PPP3CA: variants seen among roughly 807,000 people sequenced by gnomAD.
The protein encoded by PPP3CA is protein phosphatase 3 catalytic subunit alpha, also known as CAM-PRP catalytic subunit.
PPP3CA carries 14 observed loss-of-function variants against 66.5 expected under a neutral mutation model. That is an observed-to-expected ratio of 0.21 (90% CI 0.14 to 0.33). The LOEUF is 0.33. Ranked by LOEUF, PPP3CA falls within the 10% of genes least tolerant of loss-of-function variation. The pLI, the probability that PPP3CA is intolerant of heterozygous loss-of-function variation, is 1.00. For synonymous variants in PPP3CA, 232 were observed against 226.2 expected, an observed-to-expected ratio of 1.03 and a Z score of -0.23; for missense variants, 317 against 639.5, an observed-to-expected ratio of 0.50 and a Z score of 5.44.
intron 2 of PPP3CA, among the ~76,000 whole-genome samples, chr4:101,156,553 G>A (rs1006472229): frequency 6.6e-6 from 1 of 152,130 alleles, no homozygotes; most frequent in South Asian, 2.1e-4. Context: ...GGTGACACAT[G>A]CTTGTAATCC....
intron 2 of PPP3CA, among the ~76,000 whole-genome samples, chr4:101,109,764 C>CA (rs1232062668): frequency 2.0e-5 from 3 of 149,370 alleles, no homozygotes; most frequent in Non-Finnish European, 3.0e-5. Context: ...ACACATAATA[C>CA]AAAAAAAATT....
chr4:101,054,271 C>T (rs933226532), intron 10 of PPP3CA, among the ~76,000 whole-genome samples: 2 of 152,056 alleles, frequency 1.3e-5, no homozygotes, highest in Admixed American at 1.3e-4. Flanking sequence ...AAGCTCCAAG[C>T]TAATGGCTCT....
intron 10 of PPP3CA, among the ~76,000 whole-genome samples, chr4:101,046,531 ATTT>A (rs1395616350): frequency 1.3e-5 from 2 of 151,958 alleles, no homozygotes; most frequent in African/African-American, 2.4e-5. Flanking sequence ...TTATACTAAA[ATTT>A]TTTGTGTGTT....
chr4:101,230,513 C>T (rs1233200271), intron 1 of PPP3CA, among the ~76,000 whole-genome samples: 2 of 151,330 alleles, frequency 1.3e-5, no homozygotes, highest in African/African-American at 4.9e-5. Context: ...AGAGAGAGAC[C>T]CGTTTCAAAT....
At chr4:101,217,458 C>T (rs759439422) in intron 1 of PPP3CA, among the ~76,000 whole-genome samples, 17 of 152,058 alleles carry the variant, frequency 1.1e-4, no homozygotes, top group Non-Finnish European at 2.4e-4. Flanking sequence ...ACTATGAAAT[C>T]TAATTCTGTT....
chr4:101,341,628 C>T (rs751637107), intron 1 of PPP3CA, among the ~76,000 whole-genome samples: 5 of 152,130 alleles, frequency 3.3e-5, no homozygotes, highest in South Asian at 2.1e-4. Flanking sequence ...GATTATCCTT[C>T]GGTCCTCACA....
At chr4:101,042,734 T>C (rs966705441) in intron 10 of PPP3CA, among the ~76,000 whole-genome samples, 2 of 151,946 alleles carry the variant, frequency 1.3e-5, no homozygotes, top group African/African-American at 2.4e-5. Context: ...CTGGAGACCA[T>C]CTAAAATTGA....
chr4:101,102,059 C>T (rs560600696), intron 3 of PPP3CA, among the ~76,000 whole-genome samples: 10 of 152,146 alleles, frequency 6.6e-5, no homozygotes, highest in African/African-American at 1.7e-4. Context: ...AACCTCAAAG[C>T]GGGATATATA....
chr4:101,092,809 G>A (rs1730016009), intron 6 of PPP3CA, among the ~76,000 whole-genome samples: 1 of 152,100 alleles, frequency 6.6e-6, no homozygotes, highest in African/African-American at 2.4e-5. Context: ...TGGCTGCATA[G>A]TATTCCATGG....
intron 10 of PPP3CA, among the ~76,000 whole-genome samples, chr4:101,057,994 T>A (rs1728299208): frequency 6.6e-6 from 1 of 152,170 alleles, no homozygotes; most frequent in Admixed American, 6.6e-5. Context: ...TAAGATTAGA[T>A]GATTGTTTCT....
chr4:101,244,276 A>G (rs1270178375), intron 1 of PPP3CA, among the ~76,000 whole-genome samples: 2 of 152,134 alleles, frequency 1.3e-5, no homozygotes, highest in African/African-American at 4.8e-5. Context: ...TTCTCTACCA[A>G]TGCCTACTCT....
chr4:101,277,713 T>A (rs958140460), intron 1 of PPP3CA, among the ~76,000 whole-genome samples: 12 of 152,214 alleles, frequency 7.9e-5, no homozygotes, highest in Non-Finnish European at 1.3e-4. Context: ...CATTTTCCAG[T>A]GACAAACCTA....
rs1321142529 is a variant in PPP3CA at position 101,025,155 on chromosome 4, T to C, written c.*710A>G. 6.6e-6 allele frequency: 1 copy of C among 152,426 alleles called. No homozygotes were observed. Among genetic ancestry groups the C allele is most frequent in the Non-Finnish European group, 1.5e-5 (1 of 68,002 alleles). 9.4% of individuals were successfully genotyped at this position (152,426 alleles called of 1,614,324 possible). ...TTTTTAAAACTTAAAAGATATTCCA[T>C]TGCCGAATTAAGAAGAAGATAAGTG... On this transcript the variant is annotated 3_prime_UTR_variant, in exon 14 of 14. Coordinates refer to ENST00000394854, the MANE Select transcript of PPP3CA (RefSeq NM_000944.5).
intron 1 of PPP3CA, among the ~76,000 whole-genome samples, chr4:101,337,850 C>T (rs1375869472): frequency 6.6e-6 from 1 of 152,168 alleles, no homozygotes; most frequent in Non-Finnish European, 1.5e-5. Flanking sequence ...GAGTCCAGTA[C>T]TGAGCTTTTC....
Position 101,346,902 on chromosome 4 carries a change from C to CGCCGCT in PPP3CA, c.-107_-106insAGCGGC, listed in dbSNP as rs1205485724. 3 of 1,372,106 alleles carry CGCCGCT rather than the reference C, an allele frequency of 2.2e-6. No individual in the cohort carries two copies. The Admixed American group carries it at 6.1e-5, about 28-fold the overall frequency. 85.0% of individuals were successfully genotyped at this position (1,372,106 alleles called of 1,614,324 possible). On this transcript the variant is annotated 5_prime_UTR_variant, in exon 1 of 14. Coordinates refer to ENST00000394854, the MANE Select transcript of PPP3CA (RefSeq NM_000944.5). ...ACGCCGCCGCCGCCGCCGCCGCCGC[C>CGCCGCT]GCGCTGCAAACCGCTCGGCTGGAGG...
At chr4:101,099,090 A>C (rs1286851373) in intron 4 of PPP3CA, among the ~76,000 whole-genome samples, 1 of 152,182 alleles carries the variant, frequency 6.6e-6, no homozygotes, top group African/African-American at 2.4e-5. Context: ...CAAAAATGTA[A>C]GGTTTTATAC....
intron 1 of PPP3CA, among the ~76,000 whole-genome samples, chr4:101,220,144 A>G (rs1176759795): frequency 6.6e-6 from 1 of 151,824 alleles, no homozygotes; most frequent in Non-Finnish European, 1.5e-5. Context: ...AATACATACG[A>G]ATATTTTCAT....
chr4:101,310,205 G>C (rs1341504529), intron 1 of PPP3CA, among the ~76,000 whole-genome samples: 3 of 152,098 alleles, frequency 2.0e-5, no homozygotes, highest in Admixed American at 1.3e-4. Context: ...TTAACACAAT[G>C]CTATAAAACT....
Position 101,191,321 on chromosome 4 carries a change from A to T in PPP3CA, c.259+4595T>A, listed in dbSNP as rs146368264. Among the ~76,000 whole-genome samples the T allele has an allele frequency of 6.0e-3, 920 of 152,332 alleles. 5 individuals are homozygous for T. Among genetic ancestry groups the T allele is most frequent in the East Asian group, 0.014 (73 of 5,188 alleles). Reference sequence around the variant, plus strand: ...ACATTTGTAAAAAGCGTTTCCAAGAACAACCTTGCAAGACCAGAGGTGAAC... The same window carrying T: ...ACATTTGTAAAAAGCGTTTCCAAGATCAACCTTGCAAGACCAGAGGTGAAC... On this transcript the variant is annotated intron_variant, in intron 2 of 13. Coordinates refer to ENST00000394854, the MANE Select transcript of PPP3CA (RefSeq NM_000944.5).
Sources: allele counts gnomAD v4.1 joint callset (sites outside exome capture counted in the v4.1 genomes callset), GRCh38; gene constraint gnomAD v4.1.1; transcripts MANE v1.5; gene names NCBI Gene and HGNC (gene_info 2026-07-23, HGNC 2026-07-21).